Variants in MAP3K20 observed in about 807,000 individuals in gnomAD.
MAP3K20 encodes the protein mitogen-activated protein kinase kinase kinase 20, also known as HCCS-4.
A neutral mutation model predicts 85.7 loss-of-function variants in MAP3K20; 40 were observed. The observed-to-expected ratio is 0.47, with a 90% CI of 0.36 to 0.61. The LOEUF (loss-of-function observed/expected upper bound fraction) is 0.61. Among genes scored for constraint, MAP3K20 ranks in the 20% least tolerant of loss-of-function variants. The pLI is 0.00. For synonymous variants in MAP3K20, 325 were observed against 327.7 expected (o/e 0.99, Z 0.09); for missense variants, 817 against 961.7 (o/e 0.85, Z 1.99).
At chr2:173,145,103 AT>A (rs1176334202) in intron 2 of MAP3K20, among the ~76,000 whole-genome samples, 2 of 152,214 alleles carry the variant, frequency 1.3e-5, no homozygotes, top group African/African-American at 4.8e-5. Context: ...GTAAACCTAA[AT>A]GTAAAAGCGA....
At chr2:173,234,275 T>C (rs1684594916) in intron 14 of MAP3K20, among the ~76,000 whole-genome samples, 1 of 152,184 alleles carries the variant, frequency 6.6e-6, no homozygotes, top group Non-Finnish European at 1.5e-5. Flanking sequence ...AGGGTGGCCC[T>C]GGATAACCTA....
chr2:173,266,320 G>C lies in MAP3K20; in HGVS notation c.1973G>C (p.Gly658Ala), dbSNP rs776240826. 39 of 1,614,030 alleles carry C rather than the reference G, an allele frequency of 2.4e-5. No individual in the cohort carries two copies. The highest frequency in any genetic ancestry group is 1.8e-5 in the Non-Finnish European group (21 of 1,180,024). Residue 658 changes from glycine (G) to alanine (A), a missense_variant, in exon 20 of 20, where the codon GGC becomes GCC. Gly to Ala is a moderately conservative substitution (Grantham distance 60, BLOSUM62 0). Coordinates refer to ENST00000375213, the MANE Select transcript of MAP3K20 (RefSeq NM_016653.3). ...SSLHLNSRDS[G>A]FSSGNTDTSS... ...CTACATCTCAACTCTAGGGACAGTG[G>C]CTTTTCCAGTGGCAATACTGACACC...
At chr2:173,112,556 G>A (rs1169993201) in intron 2 of MAP3K20, among the ~76,000 whole-genome samples, 1 of 152,070 alleles carries the variant, frequency 6.6e-6, no homozygotes, top group East Asian at 1.9e-4. Context: ...GTCATAGATG[G>A]CTTTTTATTA....
chr2:173,103,131 T>C (rs1574014926), intron 2 of MAP3K20, among the ~76,000 whole-genome samples: 1 of 152,310 alleles, frequency 6.6e-6, no homozygotes, highest in East Asian at 1.9e-4. Flanking sequence ...TTTTAAAATA[T>C]AATACAAAGT....
chr2:173,241,093 G>C (rs1258959547), intron 16 of MAP3K20, among the ~76,000 whole-genome samples: 1 of 152,192 alleles, frequency 6.6e-6, no homozygotes, highest in Non-Finnish European at 1.5e-5. Flanking sequence ...TGGAAGCATA[G>C]CAGGGGAGGG....
chr2:173,079,275 T>C (rs925644309), intron 1 of MAP3K20, among the ~76,000 whole-genome samples: 3 of 152,120 alleles, frequency 2.0e-5, no homozygotes, highest in African/African-American at 7.2e-5. Context: ...GTATAAAATA[T>C]ACAGTATCAA....
intron 2 of MAP3K20, among the ~76,000 whole-genome samples, chr2:173,106,764 G>A (rs1687793379): frequency 6.6e-6 from 1 of 152,140 alleles, no homozygotes; most frequent in Non-Finnish European, 1.5e-5. Context: ...CACTCATAAG[G>A]TATAGGAACA....
intron 1 of MAP3K20, among the ~76,000 whole-genome samples, chr2:173,089,207 A>G (rs754814574): frequency 1.3e-5 from 2 of 152,044 alleles, no homozygotes; most frequent in Non-Finnish European, 2.9e-5. Context: ...TCACAGAAGA[A>G]TGGAAAGAGT....
intron 2 of MAP3K20, among the ~76,000 whole-genome samples, chr2:173,122,151 T>A (rs879394976): frequency 2.6e-5 from 4 of 152,262 alleles, no homozygotes; most frequent in Non-Finnish European, 4.4e-5. Context: ...TAATGTAAAC[T>A]CTTATTTCTG....
intron 9 of MAP3K20, 66 bp from the exon 10 acceptor site, chr2:173,209,663 A>G: frequency 7.4e-7 from 1 of 1,353,814 alleles, no homozygotes; most frequent in Non-Finnish European, 1.0e-6. Flanking sequence ...TGTAGTATCT[A>G]CGTTTTCTCT....
intron 1 of MAP3K20, among the ~76,000 whole-genome samples, chr2:173,076,234 C>T (rs1055146268): frequency 6.6e-6 from 1 of 151,856 alleles, no homozygotes; most frequent in African/African-American, 2.4e-5. Context: ...GGGAAGTCCT[C>T]GCGGGACCTT....
intron 9 of MAP3K20, 32 bp from the exon 10 acceptor site, chr2:173,209,697 C>A: frequency 1.3e-6 from 2 of 1,566,602 alleles, no homozygotes; most frequent in Non-Finnish European, 1.7e-6. Flanking sequence ...TCTTAAGTCC[C>A]AGCGAATGAT....
intron 16 of MAP3K20, among the ~76,000 whole-genome samples, chr2:173,244,400 A>G (rs1413794012): frequency 6.6e-6 from 1 of 152,192 alleles, no homozygotes; most frequent in Non-Finnish European, 1.5e-5. Flanking sequence ...CTTAGATAAT[A>G]CATTTCTAAA....
At chr2:173,107,336 A>G (rs1048520657) in intron 2 of MAP3K20, among the ~76,000 whole-genome samples, 1 of 152,034 alleles carries the variant, frequency 6.6e-6, no homozygotes, top group African/African-American at 2.4e-5. Flanking sequence ...TTTAGAGAAG[A>G]GGTTCAGGAT....
At chr2:173,251,956 C>T (rs1685049880) in intron 16 of MAP3K20, among the ~76,000 whole-genome samples, 1 of 152,250 alleles carries the variant, frequency 6.6e-6, no homozygotes, top group South Asian at 2.1e-4. Context: ...AATGTTGATA[C>T]ATGCAATTAA....
chr2:173,108,118 T>C (rs993890843), intron 2 of MAP3K20, among the ~76,000 whole-genome samples: 5 of 151,528 alleles, frequency 3.3e-5, no homozygotes, highest in Admixed American at 6.6e-5. Flanking sequence ...TTTTGTGTTA[T>C]AAACTGGGAT....
At chr2:173,212,045 C>T (rs953369242) in intron 10 of MAP3K20, 6 of 151,992 alleles carry the variant, frequency 3.9e-5, no homozygotes, top group South Asian at 2.1e-4. Flanking sequence ...GCATTTGCTC[C>T]GTAAATATTT....
At chr2:173,148,431 T>G (rs137901765) in intron 2 of MAP3K20, among the ~76,000 whole-genome samples, 2 of 152,322 alleles carry the variant, frequency 1.3e-5, no homozygotes, top group African/African-American at 4.8e-5. Flanking sequence ...TATTTTACTA[T>G]TCGAAAGGGA....
intron 10 of MAP3K20, among the ~76,000 whole-genome samples, chr2:173,216,590 A>C (rs1684080198): frequency 6.6e-6 from 1 of 151,650 alleles, no homozygotes; most frequent in Admixed American, 6.6e-5. Flanking sequence ...TATAACCACC[A>C]CCCCTTACAA....
Sources: gnomAD v4.1 joint callset for allele counts (sites outside exome capture counted in the v4.1 genomes callset) on GRCh38, gnomAD v4.1.1 for gene constraint, MANE v1.5 for transcripts, NCBI Gene and HGNC (gene_info 2026-07-23, HGNC 2026-07-21) for gene names.